SSBP3: variants seen among roughly 807,000 people sequenced by gnomAD.
SSBP3 encodes single stranded DNA binding protein 3, also known as single-stranded DNA-binding protein 3.
A neutral mutation model predicts 69.6 loss-of-function variants in SSBP3; 5 were observed. The ratio of observed to expected loss-of-function variants is 0.07; its 90% confidence interval spans 0.04 to 0.15. The LOEUF (loss-of-function observed/expected upper bound fraction) is 0.15, where lower values mean the gene tolerates loss of function less well. SSBP3 is among the 10% of genes least tolerant of loss of function. SSBP3 has a pLI of 1.00. For synonymous variants in SSBP3, 196 were observed against 193.4 expected, an observed-to-expected ratio of 1.01 and a Z score of -0.11; for missense variants, 312 against 534.0, an observed-to-expected ratio of 0.58 and a Z score of 4.10.
chr1:54,362,852 G>A (rs1340102465), intron 4 of SSBP3, among the ~76,000 whole-genome samples: 5 of 152,118 alleles, frequency 3.3e-5, no homozygotes, highest in Admixed American at 1.3e-4. Context: ...TTTACCCCTC[G>A]TTTTCTCTCC....
At chr1:54,396,910 G>A (rs1450225254) in intron 4 of SSBP3, among the ~76,000 whole-genome samples, 1 of 152,170 alleles carries the variant, frequency 6.6e-6, no homozygotes, top group Non-Finnish European at 1.5e-5. Context: ...TCGGGTGCTG[G>A]CAAAATGCAA....
intron 4 of SSBP3, among the ~76,000 whole-genome samples, chr1:54,364,289 A>T (rs1370758420): frequency 6.6e-6 from 1 of 152,242 alleles, no homozygotes; most frequent in Non-Finnish European, 1.5e-5. Context: ...TTATAGAAAA[A>T]GTTGGCCAAA....
chr1:54,330,277 G>A (rs986814467), intron 4 of SSBP3, among the ~76,000 whole-genome samples: 3 of 152,172 alleles, frequency 2.0e-5, no homozygotes, highest in African/African-American at 7.2e-5. Flanking sequence ...AAGGGCACTG[G>A]TTCCGGGCAC....
At chr1:54,237,878 A>G in intron 14 of SSBP3, 1 of 339,548 alleles carries the variant, frequency 2.9e-6, no homozygotes. Flanking sequence ...GGTGAATCAC[A>G]AGTCCTGATG....
rs374898631 is a variant in SSBP3, at chr1:54,401,956, G to A, written c.192-11C>T. On this transcript the variant is annotated splice_polypyrimidine_tract_variant and intron_variant, in intron 3 of 17. Coordinates refer to ENST00000610401, the Ensembl canonical transcript of SSBP3. ...AGGTCCCAAAATACACTGCGAGGAGGAAAATAAAATAAGGTCAGGTTACTA... is the reference window on the plus strand; with the variant it reads ...AGGTCCCAAAATACACTGCGAGGAGAAAAATAAAATAAGGTCAGGTTACTA... 3.5e-5 allele frequency: 56 copies of A among 1,611,388 alleles called. No individual in the cohort carries two copies. The highest frequency in any genetic ancestry group is 1.6e-4 in the Middle Eastern group (1 of 6,078).
intron 4 of SSBP3, among the ~76,000 whole-genome samples, chr1:54,324,609 C>T (rs1038329535): frequency 2.6e-5 from 4 of 152,284 alleles, no homozygotes; most frequent in African/African-American, 9.6e-5. Context: ...AGAAGGCCAG[C>T]CTGATTTACA....
chr1:54,325,096 A>C (rs1646276942), intron 4 of SSBP3, among the ~76,000 whole-genome samples: 1 of 152,222 alleles, frequency 6.6e-6, no homozygotes, highest in Non-Finnish European at 1.5e-5. Flanking sequence ...GTAGAGCCAA[A>C]AGGGAACTTT....
intron 4 of SSBP3, among the ~76,000 whole-genome samples, chr1:54,299,261 G>T (rs184214826): frequency 3.9e-5 from 6 of 152,206 alleles, no homozygotes; most frequent in Admixed American, 1.3e-4. Flanking sequence ...GGTATTTTCC[G>T]CTCCACTTGC....
intron 4 of SSBP3, among the ~76,000 whole-genome samples, chr1:54,328,797 G>T (rs1347829702): frequency 6.6e-6 from 1 of 152,172 alleles, no homozygotes. Flanking sequence ...CCTTAAAGAA[G>T]CTGAGAAGGG....
At chr1:54,227,832 T>A (rs1239494747) in intron 17 of SSBP3, among the ~76,000 whole-genome samples, 1 of 152,212 alleles carries the variant, frequency 6.6e-6, no homozygotes, top group African/African-American at 2.4e-5. Flanking sequence ...ATCATAACAC[T>A]GTTTCTTCAA....
chr1:54,305,927 A>C (rs1389439949), intron 4 of SSBP3, among the ~76,000 whole-genome samples: 1 of 150,390 alleles, frequency 6.6e-6, no homozygotes, highest in Non-Finnish European at 1.5e-5. Context: ...GTTTCCTATG[A>C]TGTTGTCTTC....
exon 5 of SSBP3, chr1:54,281,484 G>T (rs997758971): frequency 2.5e-6 from 4 of 1,571,290 alleles, no homozygotes; most frequent in African/African-American, 1.4e-5. Flanking sequence ...CCCATCGTTG[G>T]GGGGAATGTT....
At chr1:54,295,605 G>A (rs56154424) in intron 4 of SSBP3, among the ~76,000 whole-genome samples, 17,341 of 152,204 alleles carry the variant, frequency 0.11, 1,175 homozygotes, top group Non-Finnish European at 0.16. Context: ...GACTTGAGCT[G>A]CACCCTGTAA....
chr1:54,226,946 C>T, exon 18 of SSBP3: 1 of 600,580 alleles, frequency 1.7e-6, no homozygotes, highest in East Asian at 3.0e-5. Flanking sequence ...AAAGTTTGGC[C>T]TTTTTATTGC....
intron 1 of SSBP3, among the ~76,000 whole-genome samples, chr1:54,412,182 G>A (rs941082255): frequency 2.0e-5 from 3 of 151,158 alleles, no homozygotes; most frequent in Non-Finnish European, 3.0e-5. Flanking sequence ...AGCTGCCCTC[G>A]GCCAGGCGTG....
At chr1:54,358,435 G>A (rs1047356170) in intron 4 of SSBP3, among the ~76,000 whole-genome samples, 6 of 152,186 alleles carry the variant, frequency 3.9e-5, no homozygotes, top group Admixed American at 6.5e-5. Flanking sequence ...TCCCAGTGCC[G>A]GCTGACTGGA....
chr1:54,281,066 A>G (rs562620388), intron 5 of SSBP3, among the ~76,000 whole-genome samples: 2 of 152,332 alleles, frequency 1.3e-5, no homozygotes, highest in East Asian at 1.9e-4. Context: ...AAACAGAAAC[A>G]AAGAACAATT....
intron 5 of SSBP3, among the ~76,000 whole-genome samples, chr1:54,270,080 C>T (rs78069601): frequency 2.0e-5 from 3 of 152,324 alleles, no homozygotes; most frequent in East Asian, 1.9e-4. Context: ...GAGCACTTGT[C>T]GGATTTCCCA....
At chr1:54,227,128 G>A in exon 18 of SSBP3, 8 of 1,497,434 alleles carry the variant, frequency 5.3e-6, no homozygotes, top group Non-Finnish European at 7.2e-6. Context: ...GGAGAAGGGG[G>A]GATCACACAC....
Sources: gnomAD v4.1 joint callset for allele counts (sites outside exome capture counted in the v4.1 genomes callset) on GRCh38, gnomAD v4.1.1 for gene constraint, MANE v1.5 for transcripts, NCBI Gene and HGNC (gene_info 2026-07-23, HGNC 2026-07-21) for gene names.